ZC3HC1: variants seen among roughly 807,000 people sequenced by gnomAD.
ZC3HC1 encodes zinc finger C3HC-type protein 1.
A neutral mutation model predicts 61.9 loss-of-function variants in ZC3HC1; 38 were observed. The ratio of observed to expected loss-of-function variants is 0.61; its 90% confidence interval spans 0.47 to 0.81. The LOEUF is 0.81. Among genes scored for constraint, ZC3HC1 ranks in the 30% least tolerant of loss-of-function variants. ZC3HC1 has a pLI of 0.00. For synonymous variants in ZC3HC1, 213 were observed against 229.9 expected, an observed-to-expected ratio of 0.93 and a Z score of 0.67; for missense variants, 554 against 622.7, an observed-to-expected ratio of 0.89 and a Z score of 1.17.
At position 130,049,081 on chromosome 7, in the gene ZC3HC1, C is replaced by G; in HGVS notation, c.210G>C (p.Leu70Phe). ...AGAAGGCTTCTTTGCTTGTAGATTC[C>G]AATGAAGGTTGTTCCGCTTGGGGTG... is the stretch of plus-strand genomic sequence containing the variant. The part of the protein sequence containing the change: ...NGSPQAEQPS[L>F]ESTSKEAFFS... Residue 70 changes from leucine to phenylalanine, a missense_variant, in exon 2 of 10, where the codon TTG (leucine) becomes TTC (phenylalanine). Coordinates refer to ENST00000358303, the MANE Select transcript of ZC3HC1 (RefSeq NM_016478.5). 6.8e-6 allele frequency: 11 copies of G among 1,609,752 alleles called. No homozygotes were observed. Among genetic ancestry groups the G allele is most frequent in the Non-Finnish European group, 9.3e-6 (11 of 1,178,158 alleles).
intron 3 of ZC3HC1, among the ~76,000 whole-genome samples, chr7:130,040,298 T>C (rs1463146903): frequency 7.3e-6 from 1 of 136,396 alleles, no homozygotes; most frequent in Non-Finnish European, 1.6e-5. Flanking sequence ...ATCAAGACCA[T>C]CCTGGCTAAC....
rs141185149 is a variant in ZC3HC1 at position 130,049,075 on chromosome 7, A to G, written c.216T>C (p.Ser72=). Residue 72 remains serine (S), a synonymous_variant, in exon 2 of 10, where the codon TCT becomes TCC. Transcript: ENST00000358303. Reference sequence around the variant, plus strand: ...TGCTAAAGAAGGCTTCTTTGCTTGTAGATTCCAATGAAGGTTGTTCCGCTT... The same window carrying G: ...TGCTAAAGAAGGCTTCTTTGCTTGTGGATTCCAATGAAGGTTGTTCCGCTT... ...SPQAEQPSLE[S]TSKEAFFSRV... 370 of 1,609,950 alleles carry G rather than the reference A, an allele frequency of 2.3e-4. 1 individual carries two copies. In the East Asian group the frequency reaches 7.9e-3, roughly 34 times the overall value.
chr7:130,048,143 G>GTTTTTTTTTTTTTTTTTT, intron 2 of ZC3HC1, among the ~76,000 whole-genome samples: 1 of 73,736 alleles, frequency 1.4e-5, no homozygotes, highest in Non-Finnish European at 2.4e-5. Flanking sequence ...TTTCCTAGTT[G>GTTTTTTTTTTTTTTTTTT]TTTTTTTTTT....
chr7:130,026,441 C>T, intron 5 of ZC3HC1, 129 bp from the exon 6 acceptor site: 1 of 951,170 alleles, frequency 1.1e-6, no homozygotes, highest in South Asian at 1.8e-5. Context: ...TACTTCTCTT[C>T]ACAGAGAACA....
At chr7:130,035,640 C>T (rs2116726386) in intron 4 of ZC3HC1, among the ~76,000 whole-genome samples, 1 of 152,128 alleles carries the variant, frequency 6.6e-6, no homozygotes, top group South Asian at 2.1e-4. Context: ...TGCCACCACG[C>T]CCGGCTAATT....
Position 130,019,855 on chromosome 7 carries a change from C to T in ZC3HC1, c.1441-1123G>A, listed in dbSNP as rs534886180. On this transcript the variant is annotated intron_variant, in intron 9 of 9. Coordinates refer to ENST00000358303, the MANE Select transcript of ZC3HC1 (RefSeq NM_016478.5). ...TTTTTTGAGACAGGTCTCGCTCTGT[C>T]GCCAGGCTGGAGTGCTGTGGTGCCA... 6.6e-5 allele frequency among the ~76,000 whole-genome samples: 8 copies of T among 122,016 alleles called. No homozygotes were observed. In the South Asian group the frequency reaches 1.6e-3, roughly 24 times the overall value. The allele number at this position is 122,016 out of a possible 152,430, so 80.0% of individuals were successfully genotyped here. A position where few individuals can be genotyped will look rare whatever the true frequency, so the allele number is the denominator to read the frequency against.
intron 4 of ZC3HC1, among the ~76,000 whole-genome samples, chr7:130,038,970 T>A (rs1013039829): frequency 6.6e-6 from 1 of 151,398 alleles, no homozygotes; most frequent in Non-Finnish European, 1.5e-5. Context: ...GCCTTAAGCA[T>A]GTCAAATGCA....
chr7:130,030,021 A>G (rs1257258777), intron 4 of ZC3HC1, among the ~76,000 whole-genome samples: 1 of 152,198 alleles, frequency 6.6e-6, no homozygotes, highest in Non-Finnish European at 1.5e-5. Flanking sequence ...AGCAGTGTGG[A>G]AACTGATTAT....
chr7:130,048,563 A>C (rs1219551647), intron 2 of ZC3HC1, among the ~76,000 whole-genome samples: 1 of 152,160 alleles, frequency 6.6e-6, no homozygotes, highest in Admixed American at 6.6e-5. Flanking sequence ...CTAATACACA[A>C]AGGAAAATCT....
At chr7:130,029,647 C>T (rs1172340203) in intron 4 of ZC3HC1, among the ~76,000 whole-genome samples, 3 of 152,052 alleles carry the variant, frequency 2.0e-5, no homozygotes, top group Non-Finnish European at 4.4e-5. Context: ...GAAACAAGAT[C>T]GGCCATGAGT....
chr7:130,029,066 A>G, intron 4 of ZC3HC1, 37 bp from the exon 5 acceptor site: 2 of 1,588,780 alleles, frequency 1.3e-6, no homozygotes, highest in East Asian at 2.3e-5. Context: ...ATATTGGTGT[A>G]AACTGTAAAA....
intron 4 of ZC3HC1, among the ~76,000 whole-genome samples, chr7:130,037,230 C>T (rs1210613860): frequency 1.3e-5 from 2 of 152,046 alleles, no homozygotes; most frequent in African/African-American, 4.8e-5. Flanking sequence ...GATCACTTGA[C>T]GTCAGGAGTT....
Position 130,023,784 on chromosome 7 carries a change from A to G in ZC3HC1, c.1021-61T>C. On this transcript the variant is annotated intron_variant, in intron 7 of 9. Transcript: ENST00000358303. The surrounding 1 kb of genome is among the most constrained non-coding windows in gnomAD (Gnocchi z 4.2). ...GATATTAATGATTATGGTCAGAAAT[A>G]CTTCTTTCTTTAATCTTTTTTCTTT... is the stretch of plus-strand genomic sequence containing the variant. 1 of 1,364,222 alleles carries G rather than the reference A, an allele frequency of 7.3e-7. No individual in the cohort carries two copies. 84.5% of individuals were successfully genotyped at this position (1,364,222 alleles called of 1,614,324 possible).
intron 6 of ZC3HC1, 143 bp downstream of exon 6, chr7:130,026,015 G>T: frequency 1.1e-6 from 1 of 900,622 alleles, no homozygotes; most frequent in Non-Finnish European, 1.6e-6. Context: ...CATTCTCCTC[G>T]CACCATCCCC....
chr7:130,034,524 T>C (rs1794354340), intron 4 of ZC3HC1, among the ~76,000 whole-genome samples: 1 of 147,966 alleles, frequency 6.8e-6, no homozygotes, highest in Non-Finnish European at 1.5e-5. Flanking sequence ...AGACAGGGTC[T>C]TGCTCTGTCA....
At chr7:130,033,611 C>A (rs1451675594) in intron 4 of ZC3HC1, among the ~76,000 whole-genome samples, 1 of 152,042 alleles carries the variant, frequency 6.6e-6, no homozygotes, top group Non-Finnish European at 1.5e-5. Flanking sequence ...TGCCACCATG[C>A]CTGGCTTGTT....
chr7:130,027,332 G>A (rs2116686242), intron 5 of ZC3HC1: 1 of 152,344 alleles, frequency 6.6e-6, no homozygotes, highest in African/African-American at 2.4e-5. Flanking sequence ...CGGAAGCTAA[G>A]CAGGGTCAGG....
rs796101067 is a variant in ZC3HC1 at position 130,035,527 on chromosome 7, CT to C, written c.493+3936del. Among the ~76,000 whole-genome samples, 391 of 147,610 alleles carry C rather than the reference CT, an allele frequency of 2.6e-3. 1 individual carries two copies. The highest frequency in any genetic ancestry group is 8.8e-3 in the African/African-American group (354 of 40,430). ...TCAGCATTCCCCAAATATATCAGCACTTTTTTTTTTAATGGAGTCTCACTGT... is the reference window on the plus strand; with the variant it reads ...TCAGCATTCCCCAAATATATCAGCACTTTTTTTTTAATGGAGTCTCACTGT... On this transcript the variant is annotated intron_variant, in intron 4 of 9. Coordinates refer to ENST00000358303, the MANE Select transcript of ZC3HC1 (RefSeq NM_016478.5).
intron 9 of ZC3HC1, 69 bp from the exon 10 acceptor site, chr7:130,018,801 C>T (rs989188099): frequency 1.5e-5 from 21 of 1,355,778 alleles, no homozygotes; most frequent in Non-Finnish European, 1.9e-5. Flanking sequence ...ATCATTTGTC[C>T]CACAATGATC....
Sources: gnomAD v4.1 joint callset for allele counts (sites outside exome capture counted in the v4.1 genomes callset) on GRCh38, gnomAD v4.1.1 for gene constraint, Gnocchi (gnomAD v3.1) non-coding constraint, MANE v1.5 for transcripts, NCBI Gene and HGNC (gene_info 2026-07-23, HGNC 2026-07-21) for gene names.